NBEA: variants seen among roughly 807,000 people sequenced by gnomAD.
NBEA encodes the protein lysosomal-trafficking regulator 2.
A neutral mutation model predicts 343.4 loss-of-function variants in NBEA; 44 were observed. The observed-to-expected ratio is 0.13, with a 90% CI of 0.10 to 0.16. NBEA has a LOEUF of 0.16. Among genes scored for constraint, NBEA ranks in the 10% least tolerant of loss-of-function variants. NBEA has a pLI of 1.00. For synonymous variants in NBEA, 1,175 were observed against 1,238.7 expected (o/e 0.95, Z 1.08); for missense variants, 2,555 against 3,631.3 (o/e 0.70, Z 7.62).
intron 13 of NBEA, among the ~76,000 whole-genome samples, chr13:35,116,784 C>A (rs1468484451): frequency 6.6e-6 from 1 of 151,676 alleles, no homozygotes; most frequent in East Asian, 1.9e-4. Context: ...ATTATATTTT[C>A]ATTTTTATTA....
At chr13:35,654,225 T>C (rs2084693939) in intron 53 of NBEA, among the ~76,000 whole-genome samples, 1 of 152,180 alleles carries the variant, frequency 6.6e-6, no homozygotes, top group Admixed American at 6.5e-5. Flanking sequence ...ACTGATTCTT[T>C]GCCTGTCTCT....
intron 53 of NBEA, among the ~76,000 whole-genome samples, chr13:35,652,964 G>T (rs2084630362): frequency 6.6e-6 from 1 of 151,830 alleles, no homozygotes; most frequent in Admixed American, 6.6e-5. Context: ...AAAGTGCTGG[G>T]ATTACAGGCG....
intron 18 of NBEA, among the ~76,000 whole-genome samples, chr13:35,154,988 TG>T (rs1278060689): frequency 4.0e-5 from 6 of 151,098 alleles, no homozygotes; most frequent in African/African-American, 1.5e-4. Context: ...TAATTAGCTG[TG>T]TGTGTTGGCA....
At chr13:35,220,735 G>T (rs2074315718) in intron 33 of NBEA, among the ~76,000 whole-genome samples, 1 of 152,068 alleles carries the variant, frequency 6.6e-6, no homozygotes, top group Admixed American at 6.6e-5. Context: ...GATTTGTAGA[G>T]TTTTTCAAAT....
chr13:35,621,835 G>A (rs184801114), intron 48 of NBEA, among the ~76,000 whole-genome samples: 205 of 152,278 alleles, frequency 1.3e-3, no homozygotes, highest in African/African-American at 4.8e-3. Flanking sequence ...GGAAATGCAA[G>A]ATAAGAATTA....
chr13:35,118,532 T>G (rs2066622265), intron 16 of NBEA, 58 bp downstream of exon 16: 2 of 1,213,082 alleles, frequency 1.6e-6, no homozygotes. Flanking sequence ...TTGTTCCTCC[T>G]AGAATAACTG....
chr13:35,543,525 G>A (rs1045012131), intron 41 of NBEA, among the ~76,000 whole-genome samples: 3 of 152,012 alleles, frequency 2.0e-5, no homozygotes, highest in African/African-American at 7.2e-5. Flanking sequence ...ACTTGCAAAA[G>A]GATTTTTTTT....
At chr13:35,130,482 G>T (rs1339490262) in intron 17 of NBEA, among the ~76,000 whole-genome samples, 1 of 151,914 alleles carries the variant, frequency 6.6e-6, no homozygotes, top group Non-Finnish European at 1.5e-5. Flanking sequence ...ATTTAATGAG[G>T]ATGAAGGGGG....
At chr13:35,055,136 G>T (rs1239863494) in intron 6 of NBEA, among the ~76,000 whole-genome samples, 1 of 151,958 alleles carries the variant, frequency 6.6e-6, no homozygotes, top group East Asian at 1.9e-4. Flanking sequence ...TTTGGTGGGA[G>T]GGAGAAACCA....
chr13:35,294,796 A>G (rs1381560111), intron 35 of NBEA, among the ~76,000 whole-genome samples: 2 of 152,168 alleles, frequency 1.3e-5, no homozygotes, highest in East Asian at 3.9e-4. Flanking sequence ...TGTACCAACA[A>G]TAAGATTGTC....
intron 34 of NBEA, chr13:35,251,321 C>A: frequency 1.1e-6 from 1 of 936,652 alleles, no homozygotes; most frequent in Non-Finnish European, 1.3e-6. Flanking sequence ...CGCTTCCAGC[C>A]TGTCACTGCC....
intron 1 of NBEA, among the ~76,000 whole-genome samples, chr13:35,025,838 G>A (rs73167738): frequency 0.018 from 2,702 of 152,108 alleles, 29 homozygotes; most frequent in Middle Eastern, 0.031. Flanking sequence ...TTATTCTAAT[G>A]ATCAGTGAGA....
intron 38 of NBEA, among the ~76,000 whole-genome samples, chr13:35,366,780 A>G (rs1415628019): frequency 6.6e-6 from 1 of 151,312 alleles, no homozygotes; most frequent in Non-Finnish European, 1.5e-5. Flanking sequence ...AATGGATGAA[A>G]CTTAAGGGAA....
chr13:35,007,573 G>A (rs2061358650), intron 1 of NBEA, among the ~76,000 whole-genome samples: 1 of 152,020 alleles, frequency 6.6e-6, no homozygotes, highest in Admixed American at 6.6e-5. Flanking sequence ...CTCACTGTAG[G>A]CTTGACCTCC....
intron 18 of NBEA, among the ~76,000 whole-genome samples, chr13:35,151,193 A>G (rs1314821574): frequency 2.6e-5 from 4 of 151,904 alleles, no homozygotes; most frequent in African/African-American, 9.7e-5. Flanking sequence ...ACTATGTTAT[A>G]GTGACCTTTG....
chr13:35,307,485 G>C (rs2036972551), intron 35 of NBEA, among the ~76,000 whole-genome samples: 1 of 151,966 alleles, frequency 6.6e-6, no homozygotes, highest in Non-Finnish European at 1.5e-5. Flanking sequence ...TATAATTTTA[G>C]ATTGATTCAA....
Position 35,055,991 on chromosome 13 carries a change from T to C in NBEA, c.973-19T>C. On this transcript the variant is annotated intron_variant, in intron 6 of 58. Transcript: ENST00000379939. ...CAACCAAACATTACATATTGATATA[T>C]TTAATTTTTTTATTTAAGTGGTACA... 1 of 1,560,758 alleles carries C rather than the reference T, an allele frequency of 6.4e-7. No homozygotes were observed. The highest frequency in any genetic ancestry group is 2.3e-5 in the East Asian group (1 of 43,176).
At chr13:35,281,973 C>T (rs1220644957) in intron 34 of NBEA, among the ~76,000 whole-genome samples, 1 of 151,902 alleles carries the variant, frequency 6.6e-6, no homozygotes, top group Non-Finnish European at 1.5e-5. Flanking sequence ...AGTGCAGTGG[C>T]CCAGTCTTGG....
intron 18 of NBEA, among the ~76,000 whole-genome samples, chr13:35,153,178 G>T (rs1327683885): frequency 1.3e-5 from 2 of 151,428 alleles, no homozygotes; most frequent in Admixed American, 1.3e-4. Context: ...GACTACAGGT[G>T]CCTGCCACCA....
Sources: allele counts gnomAD v4.1 joint callset (sites outside exome capture counted in the v4.1 genomes callset), GRCh38; gene constraint gnomAD v4.1.1; transcripts MANE v1.5; gene names NCBI Gene and HGNC (gene_info 2026-07-23, HGNC 2026-07-21).